The following SLC2A9 variants were observed in gnomAD, a reference collection of about 807,000 sequenced individuals.
The protein encoded by SLC2A9 is solute carrier family 2, facilitated glucose transporter member 9.
Under a neutral mutation model 50.6 loss-of-function variants are expected in SLC2A9, and 39 were observed. The ratio of observed to expected loss-of-function variants is 0.77; its 90% CI spans 0.60 to 1.01. The LOEUF is 1.01. Among genes scored for constraint, SLC2A9 ranks in the 50% least tolerant of loss-of-function variants. The pLI is 0.00. For missense variants in SLC2A9, 686 were observed against 677.6 expected, an observed-to-expected ratio of 1.01 and a Z score of -0.14; for synonymous variants, 324 against 276.9, an observed-to-expected ratio of 1.17 and a Z score of -1.69.
At chr4:9,891,436 T>G (rs1045183601) in intron 8 of SLC2A9, among the ~76,000 whole-genome samples, 12 of 152,168 alleles carry the variant, frequency 7.9e-5, no homozygotes, top group African/African-American at 2.7e-4. Context: ...TGCACGAACT[T>G]TGGCATGTCA....
intron 4 of SLC2A9, among the ~76,000 whole-genome samples, chr4:9,981,042 G>C (rs1432441836): frequency 6.6e-6 from 1 of 151,974 alleles, no homozygotes; most frequent in Non-Finnish European, 1.5e-5. Flanking sequence ...GGTAGTGATG[G>C]TGGTGGTGAT....
At chr4:9,781,738 G>T in intron 3 of SLC2A9, 1 of 350,472 alleles carries the variant, frequency 2.9e-6, no homozygotes. Flanking sequence ...GCCGTCCGGC[G>T]CGCTACAGAC....
chr4:9,783,020 G>A (rs780728412), intron 3 of SLC2A9: 2 of 1,614,222 alleles, frequency 1.2e-6, no homozygotes, highest in East Asian at 4.5e-5. Context: ...AGGCCCTCCG[G>A]CCGGCTTCCC....
chr4:9,813,069 C>T (rs901918476), intron 3 of SLC2A9, among the ~76,000 whole-genome samples: 7 of 152,264 alleles, frequency 4.6e-5, no homozygotes, highest in Middle Eastern at 6.8e-3. Context: ...AATGAGAAGG[C>T]TGATTATAAT....
intron 8 of SLC2A9, among the ~76,000 whole-genome samples, chr4:9,897,927 CACAG>C (rs1347247086): frequency 6.6e-6 from 1 of 152,066 alleles, no homozygotes; most frequent in Non-Finnish European, 1.5e-5. Context: ...AAAAGACATA[CACAG>C]ACAGAATGTC....
intron 3 of SLC2A9, among the ~76,000 whole-genome samples, chr4:9,819,263 A>T (rs943400132): frequency 6.6e-6 from 1 of 151,952 alleles, no homozygotes; most frequent in African/African-American, 2.4e-5. Flanking sequence ...CCACTCTGCT[A>T]CTCCACTGGC....
chr4:9,819,627 T>C (rs1373219269), intron 3 of SLC2A9, among the ~76,000 whole-genome samples: 1 of 152,194 alleles, frequency 6.6e-6, no homozygotes, highest in African/African-American at 2.4e-5. Context: ...TAGCTTGTCT[T>C]TTCATTCTTT....
intron 10 of SLC2A9, among the ~76,000 whole-genome samples, chr4:9,878,108 C>T (rs1025839683): frequency 6.6e-6 from 1 of 152,048 alleles, no homozygotes; most frequent in Admixed American, 6.5e-5. Context: ...CTTCAACTCC[C>T]AGCCCAGGGC....
intron 3 of SLC2A9, chr4:9,783,433 A>T (rs1168183820): frequency 6.2e-7 from 1 of 1,612,462 alleles, no homozygotes; most frequent in Non-Finnish European, 8.5e-7. Flanking sequence ...TAGACAAAAT[A>T]ACACCTTTCA....
chr4:10,003,168 G>C (rs1760149825), intron 2 of SLC2A9, among the ~76,000 whole-genome samples: 1 of 152,160 alleles, frequency 6.6e-6, no homozygotes, highest in Non-Finnish European at 1.5e-5. Context: ...ACATGTGCAA[G>C]GTCACTCTTG....
At chr4:10,018,285 C>T (rs1013337702) in intron 2 of SLC2A9, among the ~76,000 whole-genome samples, 5 of 152,196 alleles carry the variant, frequency 3.3e-5, no homozygotes, top group African/African-American at 1.2e-4. Context: ...TGGCTCAAGC[C>T]TATAATCCCA....
chr4:9,782,435 G>C, intron 3 of SLC2A9: 2 of 1,614,022 alleles, frequency 1.2e-6, no homozygotes, highest in Non-Finnish European at 1.7e-6. Flanking sequence ...CGTCATCAGC[G>C]TGGACCGCTA....
At chr4:9,894,921 T>C (rs1021131626) in intron 8 of SLC2A9, among the ~76,000 whole-genome samples, 6 of 152,218 alleles carry the variant, frequency 3.9e-5, no homozygotes, top group Non-Finnish European at 7.3e-5. Context: ...TGTTACATTG[T>C]TATAATGAGA....
At chr4:9,824,668 G>T (rs1724868403), downstream of SLC2A9, among the ~76,000 whole-genome samples, 1 of 152,180 alleles carries the variant, frequency 6.6e-6, no homozygotes, top group Admixed American at 6.5e-5. Flanking sequence ...GGTGAGGGCA[G>T]TATATTTTCT....
At chr4:9,931,962 C>CTCTCTCTCTCTCTCTATATATATA (rs1560329576) in intron 6 of SLC2A9, among the ~76,000 whole-genome samples, 1 of 14,588 alleles carries the variant, frequency 6.9e-5, no homozygotes, top group African/African-American at 3.8e-4. Flanking sequence ...CTCTCTCTCT[C>CTCTCTCTCTCTCTCTATATATATA]TATATATATA....
chr4:9,791,987 C>T (rs2108886910), intron 3 of SLC2A9, among the ~76,000 whole-genome samples: 1 of 152,214 alleles, frequency 6.6e-6, no homozygotes, highest in Non-Finnish European at 1.5e-5. Context: ...ACCCCAGGTA[C>T]TTTGTAAACC....
intron 1 of SLC2A9, chr4:9,771,406 C>A (rs1716795411): frequency 5.0e-6 from 2 of 398,362 alleles, no homozygotes; most frequent in Non-Finnish European, 4.4e-6. Context: ...CATGCCAGTT[C>A]TTAGGTGCTC....
chr4:9,916,414 G>T (rs142575401), intron 7 of SLC2A9, among the ~76,000 whole-genome samples: 2 of 152,282 alleles, frequency 1.3e-5, no homozygotes, highest in African/African-American at 4.8e-5. Flanking sequence ...ACACACTTGG[G>T]TGTCTTGTTT....
chr4:9,904,963 C>T (rs1740356338), intron 8 of SLC2A9, among the ~76,000 whole-genome samples: 1 of 152,228 alleles, frequency 6.6e-6, no homozygotes, highest in South Asian at 2.1e-4. Context: ...CTTCACCTAA[C>T]TTCTGCTGGC....
Sources: gnomAD v4.1 joint callset for allele counts (sites outside exome capture counted in the v4.1 genomes callset) on GRCh38, gnomAD v4.1.1 for gene constraint, MANE v1.5 for transcripts, NCBI Gene and HGNC (gene_info 2026-07-23, HGNC 2026-07-21) for gene names.